COL21A1: variants seen among roughly 807,000 people sequenced by gnomAD.
COL21A1 encodes collagen alpha-1(XXI) chain.
A neutral mutation model predicts 137.9 loss-of-function variants in COL21A1; 149 were observed. That is an observed-to-expected ratio of 1.08 (90% CI 0.95 to 1.24). The LOEUF is 1.24. Among genes scored for constraint, COL21A1 ranks in the 50% most tolerant of loss-of-function variants. The pLI is 0.00. For missense variants in COL21A1, 1,167 were observed against 1,158.4 expected (o/e 1.01, Z -0.11); for synonymous variants, 456 against 391.5 (o/e 1.16, Z -1.95).
intron 1 of COL21A1, among the ~76,000 whole-genome samples, chr6:56,254,632 C>T (rs936708679): frequency 2.6e-5 from 4 of 151,922 alleles, no homozygotes; most frequent in African/African-American, 7.3e-5. Context: ...TGTGTATGAG[C>T]GTATGTGAAA....
chr6:56,333,866 G>A (rs1486007889), intron 1 of COL21A1, among the ~76,000 whole-genome samples: 1 of 152,032 alleles, frequency 6.6e-6, no homozygotes, highest in African/African-American at 2.4e-5. Context: ...AATAGTTAAT[G>A]GTGTTGAGGA....
intron 6 of COL21A1, among the ~76,000 whole-genome samples, chr6:56,167,288 T>G (rs575156614): frequency 3.9e-5 from 6 of 152,286 alleles, no homozygotes; most frequent in African/African-American, 1.4e-4. Flanking sequence ...GTCGGACACT[T>G]AAAAGTTTTC....
chr6:56,340,910 T>C (rs149351903), intron 1 of COL21A1, among the ~76,000 whole-genome samples: 410 of 152,296 alleles, frequency 2.7e-3, no homozygotes, highest in African/African-American at 9.3e-3. Context: ...TGGAAAGAAA[T>C]CAGACCCCTT....
At chr6:56,103,154 A>G (rs998852217) in intron 16 of COL21A1, among the ~76,000 whole-genome samples, 2 of 152,170 alleles carry the variant, frequency 1.3e-5, no homozygotes, top group African/African-American at 4.8e-5. Context: ...CAACTTCTTC[A>G]TTTAACATGG....
intron 1 of COL21A1, among the ~76,000 whole-genome samples, chr6:56,386,776 G>A (rs1480393796): frequency 4.6e-5 from 7 of 152,110 alleles, no homozygotes; most frequent in Non-Finnish European, 8.8e-5. Flanking sequence ...CAAAAAGAAA[G>A]TAGAAAAGCC....
At chr6:56,269,515 C>A (rs991178910) in intron 1 of COL21A1, among the ~76,000 whole-genome samples, 2 of 151,510 alleles carry the variant, frequency 1.3e-5, no homozygotes, top group Non-Finnish European at 2.9e-5. Flanking sequence ...ATTAGCCGGG[C>A]GTAGTGGCGG....
chr6:56,323,420 C>G (rs11964876), intron 1 of COL21A1, among the ~76,000 whole-genome samples: 3 of 152,152 alleles, frequency 2.0e-5, no homozygotes, highest in African/African-American at 7.2e-5. Context: ...GACCAAGTCT[C>G]GCTCTGTTAC....
chr6:56,070,047 A>G (rs2038174), intron 21 of COL21A1, among the ~76,000 whole-genome samples: 4,094 of 151,584 alleles, frequency 0.027, 137 homozygotes, highest in African/African-American at 0.069. Context: ...TTAAAGTCTT[A>G]AATAAATTAT....
intron 1 of COL21A1, among the ~76,000 whole-genome samples, chr6:56,316,831 C>T (rs1764750947): frequency 1.3e-5 from 2 of 152,034 alleles, no homozygotes; most frequent in African/African-American, 2.4e-5. Flanking sequence ...TATAAAAATA[C>T]TTCAAGAGAT....
At chr6:56,146,115 G>A in intron 10 of COL21A1, among the ~76,000 whole-genome samples, 1 of 152,078 alleles carries the variant, frequency 6.6e-6, no homozygotes, top group Non-Finnish European at 1.5e-5. Context: ...AGTGAGGAGG[G>A]TAGAGATATT....
chr6:56,097,207 AAAG>A (rs779356557), intron 17 of COL21A1, among the ~76,000 whole-genome samples: 1 of 152,200 alleles, frequency 6.6e-6, no homozygotes, highest in South Asian at 2.1e-4. Flanking sequence ...GAATGGAAGA[AAAG>A]AAGTAAAGGA....
intron 12 of COL21A1, among the ~76,000 whole-genome samples, chr6:56,130,446 G>GA (rs1167508327): frequency 6.6e-6 from 1 of 151,740 alleles, no homozygotes; most frequent in Non-Finnish European, 1.5e-5. Context: ...TAATAAGATG[G>GA]AATTTAGCTG....
intron 16 of COL21A1, among the ~76,000 whole-genome samples, chr6:56,106,905 G>A (rs1327088034): frequency 1.3e-5 from 2 of 151,976 alleles, no homozygotes; most frequent in Non-Finnish European, 2.9e-5. Context: ...TCCTGCCTCA[G>A]CCTCCTCAGT....
chr6:56,243,292 G>A (rs1257519976), intron 1 of COL21A1, among the ~76,000 whole-genome samples: 1 of 152,122 alleles, frequency 6.6e-6, no homozygotes, highest in Admixed American at 6.5e-5. Context: ...CAGTCAAGTG[G>A]GTTAACCAGT....
intron 20 of COL21A1, among the ~76,000 whole-genome samples, chr6:56,072,558 G>A (rs372068285): frequency 2.6e-5 from 4 of 151,398 alleles, no homozygotes; most frequent in Admixed American, 6.6e-5. Context: ...AGAAAGAAAC[G>A]AATATAGAGG....
chr6:56,391,273 C>A (rs1304247678), intron 1 of COL21A1, among the ~76,000 whole-genome samples: 1 of 151,814 alleles, frequency 6.6e-6, no homozygotes, highest in East Asian at 1.9e-4. Flanking sequence ...GTGAAACATA[C>A]CAAAACTTAC....
intron 18 of COL21A1, 41 bp from the exon 19 acceptor site, chr6:56,075,573 T>A: frequency 7.3e-7 from 1 of 1,367,624 alleles, no homozygotes; most frequent in Non-Finnish European, 9.9e-7. Flanking sequence ...AATTGTAAAT[T>A]ATCAATTTAT....
intron 1 of COL21A1, among the ~76,000 whole-genome samples, chr6:56,347,034 A>C (rs1469138653): frequency 1.3e-5 from 2 of 152,098 alleles, no homozygotes; most frequent in Non-Finnish European, 2.9e-5. Context: ...TCCAGTTAAC[A>C]GTCTACCACA....
At chr6:56,326,996 T>C (rs1169985668) in intron 1 of COL21A1, among the ~76,000 whole-genome samples, 1 of 152,024 alleles carries the variant, frequency 6.6e-6, no homozygotes, top group Non-Finnish European at 1.5e-5. Flanking sequence ...GGAAATGACT[T>C]ATAGAGACGC....
Sources: allele counts gnomAD v4.1 joint callset (sites outside exome capture counted in the v4.1 genomes callset), GRCh38; gene constraint gnomAD v4.1.1; transcripts MANE v1.5; gene names NCBI Gene and HGNC (gene_info 2026-07-23, HGNC 2026-07-21).